The following ABLIM1 variants were observed in gnomAD, a reference collection of about 807,000 sequenced individuals.
The protein encoded by ABLIM1 is actin binding LIM protein 1, also known as actin-binding LIM protein 1.
In ABLIM1, 40 loss-of-function variants were observed where a neutral mutation model predicts 107.0. The ratio of observed to expected loss-of-function variants is 0.37; its 90% CI spans 0.29 to 0.49. The LOEUF (loss-of-function observed/expected upper bound fraction) is 0.49, where lower values mean the gene tolerates loss of function less well. Among genes scored for constraint, ABLIM1 ranks in the 20% least tolerant of loss-of-function variants. ABLIM1 has a pLI of 0.97. For synonymous variants in ABLIM1, 357 were observed against 357.3 expected (o/e 1.00, Z 0.01); for missense variants, 857 against 1,008.5 (o/e 0.85, Z 2.04).
chr10:114,637,811 C>T (rs1324635679), intron 1 of ABLIM1, among the ~76,000 whole-genome samples: 2 of 152,158 alleles, frequency 1.3e-5, no homozygotes, highest in Admixed American at 6.5e-5. Context: ...TTCAGACTCA[C>T]GAGTACACAA....
At chr10:114,562,267 C>T (rs947666345) in intron 4 of ABLIM1, among the ~76,000 whole-genome samples, 6 of 152,158 alleles carry the variant, frequency 3.9e-5, no homozygotes, top group East Asian at 3.9e-4. Flanking sequence ...CGGTGGCTCA[C>T]GCCTGTAATC....
intron 10 of ABLIM1, among the ~76,000 whole-genome samples, chr10:114,471,046 G>A (rs2066437516): frequency 6.6e-6 from 1 of 151,978 alleles, no homozygotes; most frequent in Non-Finnish European, 1.5e-5. Flanking sequence ...CATCATTCCT[G>A]GCTAATTTTT....
rs561227745 is a variant in ABLIM1, at chr10:114,507,283, TATCTAACA to T, written c.895-15413_895-15406del. On this transcript the variant is annotated intron_variant, in intron 6 of 22. Coordinates refer to ENST00000533213, the MANE Select transcript of ABLIM1 (RefSeq NM_002313.7). ...TCACTGGGAACAGTGAGGAGTGGTG[TATCTAACA>T]ATCATTGAGTAGTGGTTCCAATCAT... Among the ~76,000 whole-genome samples the T allele has an allele frequency of 7.6e-3, 1,157 of 152,252 alleles. 12 individuals are homozygous for T. The highest frequency in any genetic ancestry group is 0.011 in the Non-Finnish European group (760 of 68,006).
In ABLIM1 at chr10:114,452,995, G is replaced by A. The variant is rs949464215; in HGVS notation, c.1546+384C>T. 3.9e-5 allele frequency among the ~76,000 whole-genome samples: 6 copies of A among 152,284 alleles called. 1 individual carries two copies. The South Asian group carries it at 8.3e-4, about 21-fold the overall frequency. ...AAGTATTCTCTCAGGTGATACTGTG[G>A]TTCAGTCTTTAGGATGAGAAGATAA... On this transcript the variant is annotated intron_variant, in intron 13 of 22. Coordinates refer to ENST00000533213, the MANE Select transcript of ABLIM1 (RefSeq NM_002313.7).
chr10:114,560,329 A>G (rs1439140554), intron 4 of ABLIM1, among the ~76,000 whole-genome samples: 3 of 152,246 alleles, frequency 2.0e-5, no homozygotes, highest in Admixed American at 6.5e-5. Flanking sequence ...GAAATGAAGT[A>G]CAGTCATGCA....
Position 114,495,758 on chromosome 10 carries a change from T to C in ABLIM1, c.895-3880A>G, listed in dbSNP as rs935162596. On this transcript the variant is annotated intron_variant, in intron 6 of 22. Coordinates refer to ENST00000533213, the MANE Select transcript of ABLIM1 (RefSeq NM_002313.7). ...CACAATAACCTAAGAAGGCAGGAAG[T>C]ATTATTATCCTTATTTTAAAGATGA... Among the ~76,000 whole-genome samples the C allele has an allele frequency of 4.6e-5, 7 of 152,184 alleles. No individual in the cohort carries two copies. The East Asian group carries it at 1.2e-3, about 25-fold the overall frequency.
At chr10:114,743,719 C>T (rs1232683552) in intron 1 of ABLIM1, among the ~76,000 whole-genome samples, 1 of 152,146 alleles carries the variant, frequency 6.6e-6, no homozygotes, top group African/African-American at 2.4e-5. Flanking sequence ...CCTGGCTGAG[C>T]GAGACTGTCA....
At chr10:114,588,259 C>T (rs1488982563) in intron 2 of ABLIM1, among the ~76,000 whole-genome samples, 1 of 151,988 alleles carries the variant, frequency 6.6e-6, no homozygotes, top group Non-Finnish European at 1.5e-5. Context: ...GGTACCAGGA[C>T]GTTTCCCATC....
chr10:114,542,758 C>T (rs548003031), intron 6 of ABLIM1, among the ~76,000 whole-genome samples: 1 of 152,284 alleles, frequency 6.6e-6, no homozygotes, highest in Non-Finnish European at 1.5e-5. Flanking sequence ...CTGAGAAGAG[C>T]TCTCTGGGGA....
chr10:114,614,272 C>T (rs182577265), intron 1 of ABLIM1, among the ~76,000 whole-genome samples: 39 of 151,968 alleles, frequency 2.6e-4, no homozygotes, highest in African/African-American at 8.4e-4. Flanking sequence ...GCCAACATGG[C>T]GAAACCCAGT....
chr10:114,666,240 T>C (rs987002019), intron 1 of ABLIM1, among the ~76,000 whole-genome samples: 28 of 152,226 alleles, frequency 1.8e-4, no homozygotes, highest in Non-Finnish European at 2.9e-5. Flanking sequence ...GAGAAAATTC[T>C]GGATTTCATA....
chr10:114,684,776 A>G (rs1334264270), exon 1 of ABLIM1: 5 of 942,332 alleles, frequency 5.3e-6, no homozygotes, highest in Non-Finnish European at 6.3e-6. Flanking sequence ...CTATCATTTC[A>G]CAATAACTGA....
chr10:114,440,595 G>T (rs2060044909), intron 19 of ABLIM1, among the ~76,000 whole-genome samples: 1 of 152,106 alleles, frequency 6.6e-6, no homozygotes, highest in Admixed American at 6.5e-5. Context: ...ACAGGCATGT[G>T]CCACCAGCTA....
At chr10:114,648,827 A>G (rs2079115536) in intron 1 of ABLIM1, among the ~76,000 whole-genome samples, 1 of 152,184 alleles carries the variant, frequency 6.6e-6, no homozygotes, top group African/African-American at 2.4e-5. Flanking sequence ...ACAGATACAA[A>G]TAGCCAAGCA....
intron 1 of ABLIM1, among the ~76,000 whole-genome samples, chr10:114,639,754 T>A (rs1433623866): frequency 6.6e-6 from 1 of 152,216 alleles, no homozygotes; most frequent in Non-Finnish European, 1.5e-5. Flanking sequence ...TTTGAACTTG[T>A]GTTTTGTAAG....
intron 6 of ABLIM1, chr10:114,526,867 A>C: frequency 1.2e-5 from 12 of 985,270 alleles, no homozygotes; most frequent in Non-Finnish European, 1.4e-5. Flanking sequence ...CTAGAGACGC[A>C]CTCCGGAAAC....
At chr10:114,527,869 G>A (rs543098463) in intron 6 of ABLIM1, among the ~76,000 whole-genome samples, 113 of 140,024 alleles carry the variant, frequency 8.1e-4, no homozygotes, top group African/African-American at 2.8e-3. Context: ...ACGGAGTCTC[G>A]CTCTGTTGCC....
chr10:114,659,851 C>G (rs2079710039), upstream of ABLIM1, among the ~76,000 whole-genome samples: 1 of 152,176 alleles, frequency 6.6e-6, no homozygotes, highest in African/African-American at 2.4e-5. Flanking sequence ...GGTCTTCTGC[C>G]TCCCATGCTG....
At chr10:114,698,345 T>A in intron 1 of ABLIM1, among the ~76,000 whole-genome samples, 1 of 142,500 alleles carries the variant, frequency 7.0e-6, no homozygotes, top group African/African-American at 2.6e-5. Flanking sequence ...ACAGACAGGC[T>A]AGAAAACAAA....
Sources: allele counts gnomAD v4.1 joint callset (sites outside exome capture counted in the v4.1 genomes callset), GRCh38; gene constraint gnomAD v4.1.1; transcripts MANE v1.5; gene names NCBI Gene and HGNC (gene_info 2026-07-23, HGNC 2026-07-21).